Variants in LINGO2 observed in about 807,000 individuals in gnomAD.
LINGO2 encodes leucine-rich repeat and immunoglobulin-like domain-containing nogo receptor-interacting protein 2.
In LINGO2, 14 loss-of-function variants were observed where a neutral mutation model predicts 30.6. The ratio of observed to expected loss-of-function variants is 0.46; its 90% CI spans 0.30 to 0.72. The LOEUF (loss-of-function observed/expected upper bound fraction) is 0.72, where lower values mean the gene tolerates loss of function less well. Among genes scored for constraint, LINGO2 ranks in the 30% least tolerant of loss-of-function variants. The probability of loss-of-function intolerance (pLI) is 0.07; values close to 1 mark genes in which losing one functional copy is unlikely to be tolerated. For synonymous variants in LINGO2, 317 were observed against 288.5 expected (o/e 1.10, Z -1.00); for missense variants, 729 against 751.7 (o/e 0.97, Z 0.35).
the LINGO2 span, among the ~76,000 whole-genome samples, chr9:28,871,763 C>A: frequency 1.3e-5 from 2 of 151,764 alleles, no homozygotes; most frequent in African/African-American, 2.4e-5. Context: ...GGTTCAAATC[C>A]CAGTTCTGAT....
the LINGO2 span, among the ~76,000 whole-genome samples, chr9:29,165,732 A>T: frequency 6.6e-6 from 1 of 152,084 alleles, no homozygotes; most frequent in Non-Finnish European, 1.5e-5. Flanking sequence ...AGTAACTGTG[A>T]TTTACTGATG....
At chr9:28,736,719 G>A in the LINGO2 span, among the ~76,000 whole-genome samples, 4 of 151,300 alleles carry the variant, frequency 2.6e-5, no homozygotes, top group Admixed American at 6.6e-5. Context: ...TTGAACCCAG[G>A]AGGCAGAGGT....
chr9:29,101,729 T>C, the LINGO2 span, among the ~76,000 whole-genome samples: 1 of 152,206 alleles, frequency 6.6e-6, no homozygotes, highest in Non-Finnish European at 1.5e-5. Flanking sequence ...TCCATATTGT[T>C]GCAAATGACA....
chr9:28,526,148 C>T (rs959102219), intron 1 of LINGO2, among the ~76,000 whole-genome samples: 19 of 142,410 alleles, frequency 1.3e-4, no homozygotes, highest in African/African-American at 5.0e-4. Flanking sequence ...ATTAAAATAA[C>T]AAAATCAATA....
chr9:28,628,281 A>G (rs1050736359), intron 1 of LINGO2, among the ~76,000 whole-genome samples: 5 of 152,078 alleles, frequency 3.3e-5, no homozygotes, highest in African/African-American at 9.7e-5. Flanking sequence ...TGCATATAAT[A>G]TATCTTTGAA....
chr9:29,205,330 T>G, the LINGO2 span, among the ~76,000 whole-genome samples: 3 of 152,182 alleles, frequency 2.0e-5, no homozygotes, highest in African/African-American at 7.2e-5. Flanking sequence ...TGAGCCACCA[T>G]GCTTGGCCAG....
chr9:28,197,928 G>T (rs1820072253), intron 4 of LINGO2, among the ~76,000 whole-genome samples: 2 of 151,816 alleles, frequency 1.3e-5, no homozygotes, highest in Admixed American at 1.3e-4. Flanking sequence ...CTACTGTAAA[G>T]TGCCATTTTT....
At chr9:29,124,145 A>G in the LINGO2 span, among the ~76,000 whole-genome samples, 1 of 152,192 alleles carries the variant, frequency 6.6e-6, no homozygotes, top group Non-Finnish European at 1.5e-5. Flanking sequence ...AATCTGACAA[A>G]AACAAGCAAT....
chr9:29,155,401 C>G, the LINGO2 span, among the ~76,000 whole-genome samples: 29 of 152,014 alleles, frequency 1.9e-4, no homozygotes, highest in Non-Finnish European at 5.9e-5. Context: ...TAAAAAATTA[C>G]TGTCTTTCTC....
chr9:28,357,801 T>G (rs905147561), intron 3 of LINGO2, among the ~76,000 whole-genome samples: 2 of 152,138 alleles, frequency 1.3e-5, no homozygotes, highest in Non-Finnish European at 1.5e-5. Context: ...GAACTTATCA[T>G]GGAGCATTAA....
intron 3 of LINGO2, among the ~76,000 whole-genome samples, chr9:28,331,686 T>C (rs1463326002): frequency 6.6e-6 from 1 of 152,094 alleles, no homozygotes; most frequent in Non-Finnish European, 1.5e-5. Flanking sequence ...TTGTAATTTT[T>C]TTAGAGACAG....
At chr9:29,182,650 T>C in the LINGO2 span, among the ~76,000 whole-genome samples, 1 of 151,532 alleles carries the variant, frequency 6.6e-6, no homozygotes, top group African/African-American at 2.4e-5. Context: ...GCATTCCACC[T>C]GTTAGCCAAG....
the LINGO2 span, among the ~76,000 whole-genome samples, chr9:29,057,097 G>A: frequency 6.6e-6 from 1 of 151,716 alleles, no homozygotes; most frequent in Non-Finnish European, 1.5e-5. Context: ...TGGAATTTTG[G>A]AATTTTAAGA....
At chr9:28,133,474 A>ATAAAGT (rs897159232) in intron 4 of LINGO2, among the ~76,000 whole-genome samples, 1 of 152,186 alleles carries the variant, frequency 6.6e-6, no homozygotes, top group East Asian at 1.9e-4. Context: ...GACTAGAGAT[A>ATAAAGT]TAAAGTTAAA....
At chr9:28,622,038 G>A (rs890320619) in intron 1 of LINGO2, among the ~76,000 whole-genome samples, 6 of 151,728 alleles carry the variant, frequency 4.0e-5, no homozygotes, top group Non-Finnish European at 5.9e-5. Flanking sequence ...AATTTTTGTC[G>A]GTACTTACTA....
At chr9:28,753,607 T>A in the LINGO2 span, among the ~76,000 whole-genome samples, 3 of 152,052 alleles carry the variant, frequency 2.0e-5, no homozygotes, top group South Asian at 6.2e-4. Context: ...TGGCTCTTTG[T>A]ATTTAATTAA....
chr9:28,089,534 A>G (rs1826012916), intron 4 of LINGO2, among the ~76,000 whole-genome samples: 1 of 152,202 alleles, frequency 6.6e-6, no homozygotes, highest in African/African-American at 2.4e-5. Flanking sequence ...AAGACACATC[A>G]TACCAGAATC....
chr9:29,196,673 T>C, the LINGO2 span, among the ~76,000 whole-genome samples: 3 of 151,982 alleles, frequency 2.0e-5, no homozygotes, highest in African/African-American at 7.2e-5. Context: ...TAATTTGAGA[T>C]AAAATACTAA....
chr9:28,828,811 T>A, the LINGO2 span, among the ~76,000 whole-genome samples: 1 of 152,112 alleles, frequency 6.6e-6, no homozygotes, highest in Non-Finnish European at 1.5e-5. Context: ...TGCCTTCAAG[T>A]ACTAATACAC....
Sources: allele counts gnomAD v4.1 joint callset (sites outside exome capture counted in the v4.1 genomes callset), GRCh38; gene constraint gnomAD v4.1.1; transcripts MANE v1.5; gene names NCBI Gene and HGNC (gene_info 2026-07-23, HGNC 2026-07-21).